CRISPLD2: variants seen among roughly 807,000 people sequenced by gnomAD.
The protein encoded by CRISPLD2 is cysteine-rich secretory protein LCCL domain-containing 2.
Under a neutral mutation model 71.1 loss-of-function variants are expected in CRISPLD2, and 47 were observed. The observed-to-expected ratio is 0.66, with a 90% CI of 0.52 to 0.84. The LOEUF (loss-of-function observed/expected upper bound fraction) is 0.84, where lower values mean the gene tolerates loss of function less well. CRISPLD2 is among the 40% of genes least tolerant of loss of function. The probability of loss-of-function intolerance (pLI) is 0.00; values close to 1 mark genes in which losing one functional copy is unlikely to be tolerated. For synonymous variants in CRISPLD2, 317 were observed against 250.1 expected, an observed-to-expected ratio of 1.27 and a Z score of -2.52; for missense variants, 830 against 651.1, an observed-to-expected ratio of 1.27 and a Z score of -2.99.
chr16:84,892,163 G>C (rs1008196126), intron 14 of CRISPLD2, among the ~76,000 whole-genome samples: 6 of 152,168 alleles, frequency 3.9e-5, no homozygotes, highest in Non-Finnish European at 7.4e-5. Context: ...AGGTCTCCAG[G>C]TGGGGTCCCC....
chr16:84,878,748 C>T (rs1038523070), intron 12 of CRISPLD2, among the ~76,000 whole-genome samples: 1 of 152,222 alleles, frequency 6.6e-6, no homozygotes, highest in South Asian at 2.1e-4. Context: ...GGCACCTTCT[C>T]AGGTGGAAAA....
intron 1 of CRISPLD2, among the ~76,000 whole-genome samples, chr16:84,823,694 G>A (rs557151567): frequency 8.5e-5 from 13 of 152,168 alleles, no homozygotes; most frequent in Non-Finnish European, 1.6e-4. Context: ...AGGACATCAT[G>A]GTCCAGCCCG....
At chr16:84,870,722 A>G (rs1597469409) in intron 8 of CRISPLD2, among the ~76,000 whole-genome samples, 1 of 152,140 alleles carries the variant, frequency 6.6e-6, no homozygotes, top group African/African-American at 2.4e-5. Context: ...GTGTTTAGCC[A>G]TTGCTTTGCC....
Position 84,866,884 on chromosome 16 carries a change from C to G in CRISPLD2, c.710-13C>G, listed in dbSNP as rs769896710. On this transcript the variant is annotated splice_polypyrimidine_tract_variant and intron_variant, in intron 6 of 14. Transcript: ENST00000262424. ...CAGTGTGTTATTTTTTTTCCTCCCT[C>G]TCCAATGTTAAGAAGAAACCTACAC... The G allele has an allele frequency of 1.1e-5, 17 of 1,607,182 alleles. No homozygotes were observed. The East Asian group carries it at 2.9e-4, about 27-fold the overall frequency.
At chr16:84,842,649 C>T (rs1218722990) in intron 2 of CRISPLD2, among the ~76,000 whole-genome samples, 1 of 152,114 alleles carries the variant, frequency 6.6e-6, no homozygotes, top group Non-Finnish European at 1.5e-5. Context: ...GCTGGGATTA[C>T]AGGCATGAAC....
intron 1 of CRISPLD2, among the ~76,000 whole-genome samples, chr16:84,837,799 C>T (rs1415419064): frequency 6.6e-6 from 1 of 152,106 alleles, no homozygotes; most frequent in Non-Finnish European, 1.5e-5. Flanking sequence ...ATAACATAAA[C>T]GACCGGCCTG....
At chr16:84,845,387 A>C (rs933646801) in intron 2 of CRISPLD2, among the ~76,000 whole-genome samples, 1 of 152,134 alleles carries the variant, frequency 6.6e-6, no homozygotes, top group African/African-American at 2.4e-5. Flanking sequence ...AACATGCATA[A>C]GGAGAGGAGA....
intron 14 of CRISPLD2, among the ~76,000 whole-genome samples, chr16:84,892,317 C>G (rs973367639): frequency 1.3e-5 from 2 of 152,220 alleles, no homozygotes; most frequent in African/African-American, 2.4e-5. Flanking sequence ...GCTGCATGCT[C>G]GACTGTGACA....
rs560142955 is a variant in CRISPLD2, at chr16:84,860,416, G to GA, written c.709+5589dup. Among the ~76,000 whole-genome samples the GA allele has an allele frequency of 1.2e-3, 176 of 152,180 alleles. 1 individual carries two copies. The highest frequency in any genetic ancestry group is 3.6e-3 in the African/African-American group (150 of 41,514). ...TCGAGTGTAGCATGTGTCACACTCC[G>GA]AACCTCACCTCTAGCAGCCCGCCAG... On this transcript the variant is annotated intron_variant, in intron 6 of 14. Coordinates refer to ENST00000262424, the MANE Select transcript of CRISPLD2 (RefSeq NM_031476.4).
At chr16:84,892,042 G>T (rs956468416) in intron 14 of CRISPLD2, among the ~76,000 whole-genome samples, 7 of 152,208 alleles carry the variant, frequency 4.6e-5, no homozygotes, top group African/African-American at 1.7e-4. Flanking sequence ...CCTCCGTCCT[G>T]TGGACTGGCA....
chr16:84,880,392 A>G (rs2071557776), intron 12 of CRISPLD2, 117 bp from the exon 13 acceptor site: 1 of 717,236 alleles, frequency 1.4e-6, no homozygotes, highest in African/African-American at 1.7e-5. Flanking sequence ...GGAAAACTGT[A>G]TGGCGGTTTC....
chr16:84,888,924 TCACTCGACTCTTTGAAGGCA>T (rs2071636673), intron 13 of CRISPLD2, among the ~76,000 whole-genome samples: 1 of 152,234 alleles, frequency 6.6e-6, no homozygotes, highest in Non-Finnish European at 1.5e-5. Flanking sequence ...ATTTATTTGC[TCACTCGACTCTTTGAAGGCA>T]AGGTCTTTAT....
Position 84,906,568 on chromosome 16 carries a change from C to G in CRISPLD2, c.1440-20C>G. The G allele has an allele frequency of 1.2e-6, 2 of 1,612,122 alleles. No homozygotes were observed. Among genetic ancestry groups the G allele is most frequent in the Non-Finnish European group, 1.7e-6 (2 of 1,179,962 alleles). On this transcript the variant is annotated intron_variant, in intron 14 of 14. Coordinates refer to ENST00000262424, the MANE Select transcript of CRISPLD2 (RefSeq NM_031476.4). Reference sequence around the variant, plus strand: ...CCTCCAGATCTCTCAGTAACGGGCCCTCTTTCTTCTTTTTTTCAGCCTGGG... The same window carrying G: ...CCTCCAGATCTCTCAGTAACGGGCCGTCTTTCTTCTTTTTTTCAGCCTGGG...
intron 9 of CRISPLD2, 52 bp downstream of exon 9, chr16:84,872,560 A>G: frequency 6.7e-7 from 1 of 1,483,994 alleles, no homozygotes; most frequent in Non-Finnish European, 9.3e-7. Context: ...CCTGTTGCAT[A>G]TGTTTAAAGC....
At position 84,850,587 on chromosome 16, in the gene CRISPLD2, A is replaced by C. The variant is rs773922119; in HGVS notation, c.512A>C (p.Asn171Thr). ...HYTQIVWATT[N>T]KIGCAVNTCR... ...TTTCAGATAGTTTGGGCCACCACCA[A>C]CAAGATCGGTTGTGCTGTGAACACC... is the stretch of plus-strand genomic sequence containing the variant. The change falls in exon 5 of 15, where the codon AAC becomes ACC. Residue 171 changes from asparagine to threonine, a missense_variant. Coordinates refer to ENST00000262424, the MANE Select transcript of CRISPLD2 (RefSeq NM_031476.4). 36 of 1,614,014 alleles carry C rather than the reference A, an allele frequency of 2.2e-5. No individual in the cohort carries two copies. The East Asian group carries it at 4.0e-4, about 18-fold the overall frequency.
At chr16:84,859,189 G>C (rs962855039) in intron 6 of CRISPLD2, among the ~76,000 whole-genome samples, 11 of 152,200 alleles carry the variant, frequency 7.2e-5, no homozygotes, top group Admixed American at 7.2e-4. Flanking sequence ...TCTGCCAGCT[G>C]CTAAGTATGT....
intron 14 of CRISPLD2, among the ~76,000 whole-genome samples, chr16:84,903,683 T>G (rs1036908562): frequency 3.3e-5 from 5 of 151,984 alleles, no homozygotes; most frequent in African/African-American, 1.2e-4. Context: ...GACTCGCGTC[T>G]GGAAGACATG....
Position 84,907,909 on chromosome 16 carries a change from AG to A in CRISPLD2, c.*1268del, listed in dbSNP as rs2071819193. ...CTCTATAAAAGTGCTTCATGAGCCC[AG>A]ACCAAAAGCCCACAGTGAAATGAAG... On this transcript the variant is annotated 3_prime_UTR_variant, in exon 15 of 15. Coordinates refer to ENST00000262424, the MANE Select transcript of CRISPLD2 (RefSeq NM_031476.4). The A allele has an allele frequency of 6.6e-6, 1 of 152,262 alleles. No individual in the cohort carries two copies. Among genetic ancestry groups the A allele is most frequent in the Admixed American group, 6.5e-5 (1 of 15,286 alleles). 9.4% of individuals were successfully genotyped at this position (152,262 alleles called of 1,614,324 possible).
chr16:84,857,547 A>T (rs943874789), intron 6 of CRISPLD2, among the ~76,000 whole-genome samples: 5 of 152,130 alleles, frequency 3.3e-5, no homozygotes, highest in African/African-American at 1.2e-4. Flanking sequence ...TTCTCCTTCC[A>T]TGCAAAGTGT....
Sources: allele counts gnomAD v4.1 joint callset (sites outside exome capture counted in the v4.1 genomes callset), GRCh38; gene constraint gnomAD v4.1.1; transcripts MANE v1.5; gene names NCBI Gene and HGNC (gene_info 2026-07-23, HGNC 2026-07-21).